The following ACYP2 variants were observed in gnomAD, a reference collection of about 807,000 sequenced individuals.
ACYP2 encodes acylphosphatase 2.
In ACYP2, 12 loss-of-function variants were observed where a neutral mutation model predicts 11.2. The ratio of observed to expected loss-of-function variants is 1.08; its 90% CI spans 0.69 to 1.74. The LOEUF (loss-of-function observed/expected upper bound fraction) is 1.74. ACYP2 is among the 40% of genes most tolerant of loss of function. The probability of loss-of-function intolerance (pLI) is 0.00; values close to 1 mark genes in which losing one functional copy is unlikely to be tolerated. For synonymous variants in ACYP2, 43 were observed against 32.2 expected, an observed-to-expected ratio of 1.33 and a Z score of -1.13; for missense variants, 134 against 101.9, an observed-to-expected ratio of 1.31 and a Z score of -1.35.
chr2:54,215,729 CTCTT>C (rs1317059992), intron 6 of ACYP2, among the ~76,000 whole-genome samples: 1 of 152,094 alleles, frequency 6.6e-6, no homozygotes, highest in African/African-American at 2.4e-5. Flanking sequence ...TTTTCTGACT[CTCTT>C]TCCATGTCAG....
At chr2:53,987,460 G>C (rs1672092147) in intron 2 of ACYP2, among the ~76,000 whole-genome samples, 1 of 151,948 alleles carries the variant, frequency 6.6e-6, no homozygotes. Context: ...ACAGGTTTTT[G>C]TGTAAACAGA....
At chr2:54,133,642 A>C (rs930249493) in intron 4 of ACYP2, among the ~76,000 whole-genome samples, 1 of 152,204 alleles carries the variant, frequency 6.6e-6, no homozygotes, top group African/African-American at 2.4e-5. Context: ...AGCCTGTTCT[A>C]ATTCATCCTT....
intron 4 of ACYP2, chr2:54,080,427 A>T (rs1398395273): frequency 6.6e-6 from 1 of 152,196 alleles, no homozygotes; most frequent in Non-Finnish European, 1.5e-5. Flanking sequence ...CATTACAGAG[A>T]TACCGTAATC....
At chr2:54,163,365 A>C (rs1682809212) in intron 6 of ACYP2, among the ~76,000 whole-genome samples, 1 of 152,174 alleles carries the variant, frequency 6.6e-6, no homozygotes, top group Admixed American at 6.5e-5. Flanking sequence ...AATCATATTA[A>C]ATGCTACAAG....
chr2:54,156,192 TA>T (rs1682422228), intron 6 of ACYP2, among the ~76,000 whole-genome samples: 1 of 152,164 alleles, frequency 6.6e-6, no homozygotes, highest in East Asian at 1.9e-4. Context: ...AATATTTGCT[TA>T]TTAATTTTGT....
intron 6 of ACYP2, among the ~76,000 whole-genome samples, chr2:54,282,781 T>A (rs899301191): frequency 2.2e-4 from 34 of 152,116 alleles, no homozygotes; most frequent in African/African-American, 8.2e-4. Flanking sequence ...TGACTTATAA[T>A]TAAATGCTGA....
intron 6 of ACYP2, among the ~76,000 whole-genome samples, chr2:54,146,439 A>ATTTTTTTTTTTTTTTTTTTTTTTT (rs11360655): frequency 1.4e-5 from 2 of 140,614 alleles, no homozygotes; most frequent in Non-Finnish European, 1.6e-5. Context: ...CTGATCCTCT[A>ATTTTTTTTTTTTTTTTTTTTTTTT]TTTTTTTTTT....
intron 6 of ACYP2, among the ~76,000 whole-genome samples, chr2:54,233,716 T>C (rs1686346034): frequency 6.6e-6 from 1 of 152,216 alleles, no homozygotes. Context: ...CATTACTAAT[T>C]GAAGTTTTGA....
intron 2 of ACYP2, among the ~76,000 whole-genome samples, chr2:53,996,652 G>A (rs1163768655): frequency 6.6e-6 from 1 of 152,184 alleles, no homozygotes; most frequent in African/African-American, 2.4e-5. Flanking sequence ...TGCTGCAGCT[G>A]ATGGCCATTA....
chr2:54,163,339 T>C (rs1327145110), intron 6 of ACYP2, among the ~76,000 whole-genome samples: 1 of 152,212 alleles, frequency 6.6e-6, no homozygotes, highest in African/African-American at 2.4e-5. Context: ...CTTTCTTGTC[T>C]AATTGTAAGT....
chr2:54,053,800 T>C (rs1324200051), intron 3 of ACYP2, among the ~76,000 whole-genome samples: 1 of 152,252 alleles, frequency 6.6e-6, no homozygotes, highest in African/African-American at 2.4e-5. Context: ...CTCCTATCTT[T>C]CTTTACTCAG....
intron 4 of ACYP2, among the ~76,000 whole-genome samples, chr2:54,117,608 G>C (rs891948875): frequency 6.6e-6 from 1 of 152,182 alleles, no homozygotes; most frequent in Non-Finnish European, 1.5e-5. Context: ...ATTTATTAAT[G>C]AGAAGACTGG....
intron 6 of ACYP2, chr2:54,255,258 AAAG>A (rs1028432351): frequency 6.2e-7 from 1 of 1,614,196 alleles, no homozygotes; most frequent in Non-Finnish European, 8.5e-7. Flanking sequence ...GGTTTCTTTG[AAAG>A]AAGAACTTAA....
intron 6 of ACYP2, among the ~76,000 whole-genome samples, chr2:54,203,601 G>C (rs575396799): frequency 6.6e-6 from 1 of 152,266 alleles, no homozygotes; most frequent in Non-Finnish European, 1.5e-5. Context: ...GTTTCTTGTA[G>C]ATGCCCTTTC....
intron 6 of ACYP2, among the ~76,000 whole-genome samples, chr2:54,171,526 G>C (rs186786927): frequency 1.3e-5 from 2 of 152,260 alleles, no homozygotes; most frequent in East Asian, 3.9e-4. Context: ...ATCACAATGT[G>C]GCGTTGGTTG....
Position 54,187,171 on chromosome 2 carries a change from G to T in ACYP2, c.404+48423G>T, listed in dbSNP as rs1572905984. Among the ~76,000 whole-genome samples the T allele has an allele frequency of 2.0e-5, 3 of 152,302 alleles. No homozygotes were observed. The South Asian group carries it at 6.2e-4, about 32-fold the overall frequency. On this transcript the variant is annotated intron_variant, in intron 6 of 6. Transcript: ENST00000607452. ...TAAGGGCACATGCAATCTGGGGCAG[G>T]TAGCTTCCCCCTTCTGAAGGACAGA... is the stretch of plus-strand genomic sequence containing the variant.
At chr2:54,277,868 T>C (rs1223110684) in intron 6 of ACYP2, among the ~76,000 whole-genome samples, 2 of 152,228 alleles carry the variant, frequency 1.3e-5, no homozygotes, top group Non-Finnish European at 2.9e-5. Flanking sequence ...TTTATCTTCA[T>C]TGAATACTTT....
At chr2:53,986,155 A>C (rs541914263) in intron 2 of ACYP2, among the ~76,000 whole-genome samples, 1 of 151,824 alleles carries the variant, frequency 6.6e-6, no homozygotes, top group South Asian at 2.1e-4. Flanking sequence ...AAAAATAAAT[A>C]AATAAAATAA....
chr2:54,141,039 C>T (rs1681572115), intron 6 of ACYP2, among the ~76,000 whole-genome samples: 1 of 152,136 alleles, frequency 6.6e-6, no homozygotes, highest in Non-Finnish European at 1.5e-5. Context: ...CTGTAATTTG[C>T]ATTTCTCTAA....
Sources: allele counts gnomAD v4.1 joint callset (sites outside exome capture counted in the v4.1 genomes callset), GRCh38; gene constraint gnomAD v4.1.1; transcripts MANE v1.5; gene names NCBI Gene and HGNC (gene_info 2026-07-23, HGNC 2026-07-21).